AMPD1: variants seen among roughly 807,000 people sequenced by gnomAD.
AMPD1 encodes the protein AMP deaminase 1.
AMPD1 carries 74 observed loss-of-function variants against 82.9 expected under a neutral mutation model. The ratio of observed to expected loss-of-function variants is 0.89; its 90% CI spans 0.74 to 1.08. The LOEUF is 1.08. AMPD1 is among the 50% of genes least tolerant of loss of function. The pLI, the probability that AMPD1 is intolerant of heterozygous loss-of-function variation, is 0.00. For missense variants in AMPD1, 881 were observed against 924.5 expected (o/e 0.95, Z 0.61); for synonymous variants, 333 against 320.5 (o/e 1.04, Z -0.42).
chr1:114,673,819 T>C (rs1034345783), intron 14 of AMPD1, 70 bp from the exon 15 acceptor site: 2 of 1,584,254 alleles, frequency 1.3e-6, no homozygotes, highest in Non-Finnish European at 1.7e-6. Context: ...CCTGAAAAAA[T>C]AATGAAATAC....
chr1:114,692,930 C>T (rs947092276), intron 2 of AMPD1, among the ~76,000 whole-genome samples: 3 of 150,926 alleles, frequency 2.0e-5, no homozygotes, highest in Non-Finnish European at 3.0e-5. Flanking sequence ...GTCAGGAGTT[C>T]GAGACCAGCC....
At position 114,673,713 on chromosome 1, in the gene AMPD1, C is replaced by T. The variant is rs766157541; in HGVS notation, c.2011G>A (p.Val671Ile). Reference protein sequence around the residue: ...LMEEYAIAAQVFKLSTCDMCE... With the variant: ...LMEEYAIAAQIFKLSTCDMCE... Reference sequence around the variant, plus strand: ...ATATCACAGGTGCTCAGCTTGAAGACTTGTGCAGCAATAGCATATTCTTCC... The same window carrying T: ...ATATCACAGGTGCTCAGCTTGAAGATTTGTGCAGCAATAGCATATTCTTCC... Residue 671 changes from valine (V) to isoleucine (I), a missense_variant, in exon 15 of 16, where the codon GTC (valine) becomes ATC (isoleucine). This residue lies in a region of AMPD1 where 98 missense variants were observed against 138.1 expected (regional missense o/e 0.71). Coordinates refer to ENST00000520113, the MANE Select transcript of AMPD1 (RefSeq NM_000036.3). 1 of 1,614,114 alleles carries T rather than the reference C, an allele frequency of 6.2e-7. No individual in the cohort carries two copies. Among genetic ancestry groups the T allele is most frequent in the African/African-American group, 1.3e-5 (1 of 75,034 alleles).
intron 13 of AMPD1, 67 bp downstream of exon 13, chr1:114,674,685 G>A: frequency 6.4e-7 from 1 of 1,550,834 alleles, no homozygotes; most frequent in Non-Finnish European, 8.9e-7. Flanking sequence ...TGACAGTATG[G>A]TTGGTTAAGG....
At position 114,684,194 on chromosome 1, in the gene AMPD1, G is replaced by T. The variant is rs2101720143; in HGVS notation, c.547+5C>A. ...GTTTCATACATTATGTAAGAGAATT[G>T]TTACCTGGATAGAAGCTCTCATTTG... On this transcript the variant is annotated splice_donor_5th_base_variant and intron_variant, in intron 5 of 15. Coordinates refer to ENST00000520113, the MANE Select transcript of AMPD1 (RefSeq NM_000036.3). 1.9e-6 allele frequency: 3 copies of T among 1,613,840 alleles called. No homozygotes were observed. Among genetic ancestry groups the T allele is most frequent in the Non-Finnish European group, 8.5e-7 (1 of 1,179,816 alleles).
intron 2 of AMPD1, among the ~76,000 whole-genome samples, chr1:114,690,689 G>A (rs1395228491): frequency 2.0e-5 from 3 of 152,116 alleles, no homozygotes; most frequent in South Asian, 2.1e-4. Context: ...AAATGCATTC[G>A]ATGGCCTGAT....
At chr1:114,686,699 G>T in intron 4 of AMPD1, 46 bp downstream of exon 4, 1 of 1,604,880 alleles carries the variant, frequency 6.2e-7, no homozygotes, top group South Asian at 1.1e-5. Flanking sequence ...CTGTCAAGCT[G>T]AATGGCTTCC....
Position 114,678,355 on chromosome 1 carries a change from ACAGT to A in AMPD1, c.1066_1069del (p.Thr356LeufsTer26), listed in dbSNP as rs1340354432. 6.2e-7 allele frequency: 1 copy of A among 1,614,206 alleles called. No individual in the cohort carries two copies. Among genetic ancestry groups the A allele is most frequent in the Non-Finnish European group, 8.5e-7 (1 of 1,180,032 alleles). ...TACAGCATGAACATCCAGAGAATCA[ACAGT>A]CAGGTCATAAGGATGCATTTTTAAT... On this transcript the variant is annotated frameshift_variant, in exon 8 of 16. Coordinates refer to ENST00000520113, the MANE Select transcript of AMPD1 (RefSeq NM_000036.3). LOFTEE classifies it high-confidence loss of function.
At chr1:114,673,601 CTATA>C (rs1657895585) in intron 15 of AMPD1, 34 bp downstream of exon 15, 2 of 1,511,088 alleles carry the variant, frequency 1.3e-6, no homozygotes, top group Admixed American at 3.3e-5. Context: ...TTAGCAGACC[CTATA>C]CTCAGAAGGG....
At position 114,693,424 on chromosome 1, in the gene AMPD1, T is replaced by A. The variant is rs368862651; in HGVS notation, c.34+12A>T. 3 of 1,609,704 alleles carry A rather than the reference T, an allele frequency of 1.9e-6. No individual in the cohort carries two copies. Among genetic ancestry groups the A allele is most frequent in the African/African-American group, 1.3e-5 (1 of 74,858 alleles). On this transcript the variant is annotated intron_variant, in intron 2 of 15. Transcript: ENST00000520113. ...CTCTGACAAATGGCAGCAAAAGTAA[T>A]GCAATACTCACGTTTCTCTTCAGCT... is the stretch of plus-strand genomic sequence containing the variant.
Position 114,674,732 on chromosome 1 carries a change from G to A in AMPD1, c.1800+20C>T. Reference sequence around the variant, plus strand: ...CCTCTAGCTCCAATGTAAAAGTTAAGAAGAGAGCTTCCAACTCACCTTTTT... The same window carrying A: ...CCTCTAGCTCCAATGTAAAAGTTAAAAAGAGAGCTTCCAACTCACCTTTTT... On this transcript the variant is annotated intron_variant, in intron 13 of 15. Coordinates refer to ENST00000520113, the MANE Select transcript of AMPD1 (RefSeq NM_000036.3). 7 of 1,612,178 alleles carry A rather than the reference G, an allele frequency of 4.3e-6. No individual in the cohort carries two copies. The highest frequency in any genetic ancestry group is 5.9e-6 in the Non-Finnish European group (7 of 1,178,226).
intron 2 of AMPD1, among the ~76,000 whole-genome samples, chr1:114,690,108 C>A (rs1055617111): frequency 6.6e-6 from 1 of 152,122 alleles, no homozygotes; most frequent in Non-Finnish European, 1.5e-5. Context: ...TCTATACAGA[C>A]CTGCAAAAGT....
At chr1:114,682,980 T>C (rs1365026024) in intron 5 of AMPD1, among the ~76,000 whole-genome samples, 1 of 152,244 alleles carries the variant, frequency 6.6e-6, no homozygotes. Flanking sequence ...AAGATGCTTA[T>C]TGTACCTTTT....
Position 114,678,321 on chromosome 1 carries a change from G to A in AMPD1, c.1092+12C>T, listed in dbSNP as rs532506042. ...GTATTAGAGTGAAACTGACATTGCC[G>A]TTTCAACCTACAGCATGAACATCCA... On this transcript the variant is annotated intron_variant, in intron 8 of 15. Coordinates refer to ENST00000520113, the MANE Select transcript of AMPD1 (RefSeq NM_000036.3). 59 of 1,613,572 alleles carry A rather than the reference G, an allele frequency of 3.7e-5. No homozygotes were observed. In the Middle Eastern group the frequency reaches 5.0e-4, roughly 14 times the overall value.
intron 1 of AMPD1, 111 bp downstream of exon 1, chr1:114,695,339 C>G: frequency 1.4e-6 from 2 of 1,475,810 alleles, no homozygotes; most frequent in Non-Finnish European, 1.9e-6. Flanking sequence ...AAAGCTATCA[C>G]GAACCCTAAA....
Position 114,678,434 on chromosome 1 carries a change from C to A in AMPD1, c.991G>T (p.Val331Phe). Residue 331 changes from valine to phenylalanine, a missense_variant, in exon 8 of 16, where the codon GTC becomes TTC. Val to Phe is a conservative substitution (Grantham distance 50). This residue lies in a region of AMPD1 where 783 missense variants were observed against 786.4 expected (regional missense o/e 1.00). Coordinates refer to ENST00000520113, the MANE Select transcript of AMPD1 (RefSeq NM_000036.3). ...KSYQIDADRV[V>F]YSTKEKNLTL... Reference sequence around the variant, plus strand: ...AGATTCTTCTCTTTGGTGCTATAGACCACTCTGTCAGCATCAATTTGGTAA... The same window carrying A: ...AGATTCTTCTCTTTGGTGCTATAGAACACTCTGTCAGCATCAATTTGGTAA... 2.5e-6 allele frequency: 4 copies of A among 1,614,122 alleles called. No individual in the cohort carries two copies. The highest frequency in any genetic ancestry group is 3.4e-6 in the Non-Finnish European group (4 of 1,179,974).
In AMPD1 at chr1:114,695,477, C is replaced by G; in HGVS notation, c.-6G>C. On this transcript the variant is annotated 5_prime_UTR_variant, in exon 1 of 16. Transcript: ENST00000520113. Reference sequence around the variant, plus strand: ...GGGAGTTTGAACAGAGGCATTGTTGCTGAAATCCTTGATTCTAGGATAGCA... The same window carrying G: ...GGGAGTTTGAACAGAGGCATTGTTGGTGAAATCCTTGATTCTAGGATAGCA... 6.2e-7 allele frequency: 1 copy of G among 1,613,474 alleles called. No individual in the cohort carries two copies. The highest frequency in any genetic ancestry group is 8.5e-7 in the Non-Finnish European group (1 of 1,179,944).
chr1:114,678,190 A>G, intron 8 of AMPD1, 143 bp downstream of exon 8: 1 of 1,462,310 alleles, frequency 6.8e-7, no homozygotes, highest in Non-Finnish European at 9.5e-7. Context: ...ACAATGAGCA[A>G]ACTTCAAAAT....
Position 114,675,925 on chromosome 1 carries a change from G to A in AMPD1, c.1467C>T (p.Ala489=), listed in dbSNP as rs965494354. The change falls in exon 11 of 16, where the codon GCC becomes GCT. Residue 489 remains alanine, a synonymous_variant. Transcript: ENST00000520113. The part of the protein sequence containing the change: ...LENIFMPVFE[A]TINPQADPEL... ...CTGGGTCAGCCTGGGGGTTGATGGT[G>A]GCCTCAAACACTGGCATGAAAATAT... 1.2e-6 allele frequency: 2 copies of A among 1,614,128 alleles called. No individual in the cohort carries two copies. The highest frequency in any genetic ancestry group is 1.7e-6 in the Non-Finnish European group (2 of 1,180,030).
intron 5 of AMPD1, among the ~76,000 whole-genome samples, chr1:114,682,506 A>G (rs1276787986): frequency 6.6e-6 from 1 of 152,164 alleles, no homozygotes; most frequent in Non-Finnish European, 1.5e-5. Context: ...TGATTTTAAT[A>G]TTAAAAGGAA....
Sources: allele counts gnomAD v4.1 joint callset (sites outside exome capture counted in the v4.1 genomes callset), GRCh38; gene constraint gnomAD v4.1.1; regional missense constraint gnomAD v4.1.1; transcripts MANE v1.5; gene names NCBI Gene and HGNC (gene_info 2026-07-23, HGNC 2026-07-21).